The following KCNJ16 variants were observed in gnomAD, a reference collection of about 807,000 sequenced individuals.
KCNJ16 encodes inward rectifier potassium channel 16.
KCNJ16 carries 15 observed loss-of-function variants against 18.5 expected under a neutral mutation model. The observed-to-expected ratio is 0.81, with a 90% CI of 0.54 to 1.25. The LOEUF (loss-of-function observed/expected upper bound fraction) is 1.25. Among genes scored for constraint, KCNJ16 ranks in the 50% most tolerant of loss-of-function variants. The probability of loss-of-function intolerance (pLI) is 0.00; values close to 1 mark genes in which losing one functional copy is unlikely to be tolerated. For missense variants in KCNJ16, 523 were observed against 525.7 expected, an observed-to-expected ratio of 0.99 and a Z score of 0.05; for synonymous variants, 174 against 186.5, an observed-to-expected ratio of 0.93 and a Z score of 0.55.
At chr17:70,123,517 AT>A (rs1349767213) in intron 2 of KCNJ16, among the ~76,000 whole-genome samples, 2 of 152,184 alleles carry the variant, frequency 1.3e-5, no homozygotes, top group African/African-American at 4.8e-5. Context: ...GAGGAGAGAG[AT>A]TTATTGAAGT....
intron 2 of KCNJ16, among the ~76,000 whole-genome samples, chr17:70,103,921 A>G (rs2072788436): frequency 1.4e-5 from 2 of 141,764 alleles, no homozygotes; most frequent in African/African-American, 5.2e-5. Context: ...GTAATGGTTC[A>G]TTTTTATTTT....
At chr17:70,083,682 C>T (rs1339191105) in intron 1 of KCNJ16, among the ~76,000 whole-genome samples, 4 of 152,056 alleles carry the variant, frequency 2.6e-5, no homozygotes, top group South Asian at 2.1e-4. Flanking sequence ...ATCAAAATTG[C>T]CTAATGATGC....
chr17:70,089,093 T>A (rs1040464737), intron 1 of KCNJ16, among the ~76,000 whole-genome samples: 48 of 152,336 alleles, frequency 3.2e-4, no homozygotes, highest in Admixed American at 9.8e-4. Flanking sequence ...TACGTTGCTG[T>A]ATGTAACACA....
intron 2 of KCNJ16, among the ~76,000 whole-genome samples, chr17:70,102,561 G>A (rs955629656): frequency 3.3e-5 from 5 of 152,050 alleles, no homozygotes; most frequent in African/African-American, 7.2e-5. Flanking sequence ...ACACACAAGA[G>A]TAATTGCAGG....
chr17:70,125,819 C>G (rs2073834326), intron 2 of KCNJ16, among the ~76,000 whole-genome samples: 1 of 151,962 alleles, frequency 6.6e-6, no homozygotes, highest in Non-Finnish European at 1.5e-5. Context: ...GTAGTCTCAG[C>G]TACTCGGGAG....
intron 2 of KCNJ16, 21 bp from the exon 3 acceptor site, chr17:70,130,853 CTTTTA>C: frequency 9.9e-7 from 1 of 1,011,930 alleles, no homozygotes; most frequent in Non-Finnish European, 1.5e-6. Context: ...GGCTACAATA[CTTTTA>C]TTTTTGTTTG....
At chr17:70,097,842 A>C (rs2072450278) in intron 1 of KCNJ16, among the ~76,000 whole-genome samples, 1 of 151,922 alleles carries the variant, frequency 6.6e-6, no homozygotes, top group Non-Finnish European at 1.5e-5. Context: ...ATGGATTTCT[A>C]ATTATTGTTG....
At chr17:70,123,452 A>T (rs1333508396) in intron 2 of KCNJ16, among the ~76,000 whole-genome samples, 1 of 152,148 alleles carries the variant, frequency 6.6e-6, no homozygotes, top group Non-Finnish European at 1.5e-5. Context: ...TTCAGATTAT[A>T]GCTTGGACAT....
intron 1 of KCNJ16, among the ~76,000 whole-genome samples, chr17:70,093,028 G>A (rs181791976): frequency 5.3e-5 from 8 of 152,168 alleles, no homozygotes; most frequent in African/African-American, 1.7e-4. Flanking sequence ...CCAACCCTTC[G>A]CCAGTCAAGC....
At chr17:70,090,326 T>G (rs2072026918) in intron 1 of KCNJ16, among the ~76,000 whole-genome samples, 3 of 152,186 alleles carry the variant, frequency 2.0e-5, no homozygotes, top group Admixed American at 2.0e-4. Context: ...TCACAAACCT[T>G]TAGCTAGTAG....
chr17:70,090,768 AC>A (rs2072051508), intron 1 of KCNJ16, among the ~76,000 whole-genome samples: 2 of 152,268 alleles, frequency 1.3e-5, no homozygotes, highest in South Asian at 4.1e-4. Context: ...TAACCCACTC[AC>A]AATACCGCTA....
chr17:70,106,266 G>A (rs559479776), intron 2 of KCNJ16, among the ~76,000 whole-genome samples: 1 of 152,270 alleles, frequency 6.6e-6, no homozygotes, highest in Admixed American at 6.5e-5. Context: ...CAATCTGCAA[G>A]GTAGAGACCA....
intron 2 of KCNJ16, among the ~76,000 whole-genome samples, chr17:70,107,073 A>G (rs1288947431): frequency 1.3e-5 from 2 of 152,146 alleles, no homozygotes; most frequent in African/African-American, 2.4e-5. Flanking sequence ...TCAGGCAAAA[A>G]CTACTGACAT....
intron 1 of KCNJ16, among the ~76,000 whole-genome samples, chr17:70,098,513 ATCT>A (rs1228547227): frequency 6.6e-5 from 10 of 151,928 alleles, no homozygotes; most frequent in African/African-American, 1.4e-4. Flanking sequence ...AGCAGTTGAA[ATCT>A]TCTTTCTTTT....
chr17:70,113,125 T>C (rs903224929), intron 2 of KCNJ16, among the ~76,000 whole-genome samples: 13 of 152,216 alleles, frequency 8.5e-5, no homozygotes, highest in African/African-American at 3.1e-4. Flanking sequence ...TGCAAATTGA[T>C]TTCTCACTAT....
At chr17:70,131,092 G>A (rs1337347342) in intron 3 of KCNJ16, 117 bp downstream of exon 3, 1 of 1,126,898 alleles carries the variant, frequency 8.9e-7, no homozygotes, top group East Asian at 2.6e-5. Context: ...CCGGAGAGAA[G>A]GGTTCAATTG....
In KCNJ16 at chr17:70,132,052, C is replaced by T. The variant is rs1322451477; in HGVS notation, c.-36C>T. ...AACAAGTCTAGAATTCTTACTACTA[C>T]AAAACTCACCTGGATCCCTAAGGGC... On this transcript the variant is annotated 5_prime_UTR_variant, in exon 4 of 4. It introduces an in-frame stop codon into an upstream open reading frame of the 5' UTR. Transcript: ENST00000392671. The T allele has an allele frequency of 1.9e-6, 3 of 1,613,306 alleles. No homozygotes were observed. Among genetic ancestry groups the T allele is most frequent in the Non-Finnish European group, 2.5e-6 (3 of 1,179,868 alleles).
chr17:70,125,887 G>A (rs534463172), intron 2 of KCNJ16, among the ~76,000 whole-genome samples: 1 of 151,834 alleles, frequency 6.6e-6, no homozygotes, highest in South Asian at 2.1e-4. Flanking sequence ...AGCCGAGATC[G>A]CACCACTGTG....
In KCNJ16 at chr17:70,132,577, A is replaced by G; in HGVS notation, c.490A>G (p.Ile164Val). The change falls in exon 4 of 4, where the codon ATC (isoleucine) becomes GTC (valine). Residue 164 changes from isoleucine to valine, a missense_variant. By Grantham distance (29) the Ile-to-Val change is conservative. Transcript: ENST00000392671. ...CTTAAGTTGCATCATAAATACCTTT[A>G]TCATTGGAGCTGCCTTGGCCAAAAT... ...SILSCIINTF[I>V]IGAALAKMAT... 2 of 1,614,194 alleles carry G rather than the reference A, an allele frequency of 1.2e-6. No homozygotes were observed. Among genetic ancestry groups the G allele is most frequent in the Non-Finnish European group, 1.7e-6 (2 of 1,180,022 alleles).
Sources: allele counts gnomAD v4.1 joint callset (sites outside exome capture counted in the v4.1 genomes callset), GRCh38; gene constraint gnomAD v4.1.1; transcripts MANE v1.5; gene names NCBI Gene and HGNC (gene_info 2026-07-23, HGNC 2026-07-21).